The following MYC variants were observed in gnomAD, a reference collection of about 807,000 sequenced individuals.
MYC encodes the protein MYC proto-oncogene, bHLH transcription factor.
Under a neutral mutation model 30.5 loss-of-function variants are expected in MYC, and 1 was observed. The observed-to-expected ratio is 0.03, with a 90% CI of 0.01 to 0.16. The LOEUF is 0.16. Among genes scored for constraint, MYC ranks in the 10% least tolerant of loss-of-function variants. The pLI is 1.00. For synonymous variants in MYC, 267 were observed against 250.7 expected (o/e 1.07, Z -0.62); for missense variants, 508 against 589.0 (o/e 0.86, Z 1.42).
In MYC at chr8:127,741,094, A is replaced by T; in HGVS notation, c.*136A>T. 1 of 746,646 alleles carries T rather than the reference A, an allele frequency of 1.3e-6. No homozygotes were observed. Among genetic ancestry groups the T allele is most frequent in the Non-Finnish European group, 1.9e-6 (1 of 523,710 alleles). 46.3% of individuals were successfully genotyped at this position (746,646 alleles called of 1,614,324 possible). ...AGACTGAAAGATTTAGCCATAATGT[A>T]AACTGCCTCAAATTGGACTTTGGGC... On this transcript the variant is annotated 3_prime_UTR_variant, in exon 3 of 3. Transcript: ENST00000621592.
rs1813690419 is a variant in MYC, at chr8:127,740,433, T to G, written c.840T>G (p.Val280=). The change falls in exon 3 of 3, where the codon GTT becomes GTG. Residue 280 remains valine, a synonymous_variant. Coordinates refer to ENST00000621592, the MANE Select transcript of MYC (RefSeq NM_002467.6). Reference sequence around the variant, plus strand: ...AAGATGAGGAAGAAATCGATGTTGTTTCTGTGGAAAAGAGGCAGGCTCCTG... The same window carrying G: ...AAGATGAGGAAGAAATCGATGTTGTGTCTGTGGAAAAGAGGCAGGCTCCTG... 12 of 1,614,090 alleles carry G rather than the reference T, an allele frequency of 7.4e-6. No homozygotes were observed. The highest frequency in any genetic ancestry group is 1.3e-5 in the African/African-American group (1 of 75,026).
chr8:127,741,110 G>T lies in MYC; in HGVS notation c.*152G>T. The stretch of plus-strand genomic sequence containing the variant: ...CCATAATGTAAACTGCCTCAAATTG[G>T]ACTTTGGGCATAAAAGAACTTTTTT... On this transcript the variant is annotated 3_prime_UTR_variant, in exon 3 of 3. Coordinates refer to ENST00000621592, the MANE Select transcript of MYC (RefSeq NM_002467.6). 1.7e-6 allele frequency: 1 copy of T among 593,460 alleles called. No homozygotes were observed. The highest frequency in any genetic ancestry group is 1.9e-5 in the African/African-American group (1 of 52,796). The allele number at this position is 593,460 out of a possible 1,614,324, so 36.8% of individuals were successfully genotyped here. A position where few individuals can be genotyped will look rare whatever the true frequency, so the allele number is the denominator to read the frequency against.
At chr8:127,740,362 G>T in intron 2 of MYC, 34 bp from the exon 3 acceptor site, 1 of 1,585,016 alleles carries the variant, frequency 6.3e-7, no homozygotes, top group Non-Finnish European at 8.6e-7. Flanking sequence ...ATGTAACCTT[G>T]CTAAAGGAGT....
chr8:127,741,929 G>A lies in MYC; in HGVS notation c.*971G>A, dbSNP rs543718581. Among the ~76,000 whole-genome samples, 2 of 152,320 alleles carry A rather than the reference G, an allele frequency of 1.3e-5. No homozygotes were observed. Among genetic ancestry groups the A allele is most frequent in the Non-Finnish European group, 2.9e-5 (2 of 68,032 alleles). On this transcript the variant is annotated 3_prime_UTR_variant, in exon 3 of 3. Transcript: ENST00000621592. ...CTCGCAAACCCCAGAGGATCTCTGGGAGGAATGCTACTATTAACCCTATTT... is the reference window on the plus strand; with the variant it reads ...CTCGCAAACCCCAGAGGATCTCTGGAAGGAATGCTACTATTAACCCTATTT...
At position 127,740,382 on chromosome 8, in the gene MYC, T is replaced by G; in HGVS notation, c.803-14T>G. ...ACCTTGCTAAAGGAGTGATTTCTAT[T>G]TCCTTTCTTAAAGAGGAGGAACAAG... is the stretch of plus-strand genomic sequence containing the variant. On this transcript the variant is annotated splice_polypyrimidine_tract_variant and intron_variant, in intron 2 of 2. Transcript: ENST00000621592. The G allele has an allele frequency of 6.2e-7, 1 of 1,609,074 alleles. No individual in the cohort carries two copies. Among genetic ancestry groups the G allele is most frequent in the Non-Finnish European group, 8.5e-7 (1 of 1,176,406 alleles).
In MYC at chr8:127,738,281, T is replaced by G. The variant is rs146505192; in HGVS notation, c.64T>G (p.Phe22Val). ...CGCGACGATGCCCCTCAACGTTAGC[T>G]TCACCAACAGGAACTATGACCTCGA... Residue 22 changes from phenylalanine (F) to valine (V), a missense_variant, in exon 2 of 3, where the codon TTC becomes GTC. Transcript: ENST00000621592. The surrounding 1 kb of genome is among the most constrained non-coding windows in gnomAD (Gnocchi z 7.6). 6.2e-7 allele frequency: 1 copy of G among 1,604,434 alleles called. No homozygotes were observed. The highest frequency in any genetic ancestry group is 1.1e-5 in the South Asian group (1 of 90,410).
chr8:127,740,862 A>C lies in MYC; in HGVS notation c.1269A>C (p.Ala423=), dbSNP rs779363727. The C allele has an allele frequency of 5.6e-5, 91 of 1,613,390 alleles. 1 individual carries two copies. In the South Asian group the frequency reaches 9.9e-4, roughly 18 times the overall value. ...CAGCATACATCCTGTCCGTCCAAGCAGAGGAGCAAAAGCTCATTTCTGAAG... is the reference window on the plus strand; with the variant it reads ...CAGCATACATCCTGTCCGTCCAAGCCGAGGAGCAAAAGCTCATTTCTGAAG... The change falls in exon 3 of 3, where the codon GCA becomes GCC. Residue 423 remains alanine, a synonymous_variant. Coordinates refer to ENST00000621592, the MANE Select transcript of MYC (RefSeq NM_002467.6).
In MYC at chr8:127,738,340, CGAG is replaced by C. The variant is rs776242757; in HGVS notation, c.130_132del (p.Glu44del). On this transcript the variant is annotated inframe_deletion, in exon 2 of 3. Coordinates refer to ENST00000621592, the MANE Select transcript of MYC (RefSeq NM_002467.6). The surrounding 1 kb of genome is among the most constrained non-coding windows in gnomAD (Gnocchi z 7.6). ...CGGTGCAGCCGTATTTCTACTGCGA[CGAG>C]GAGGAGAACTTCTACCAGCAGCAGC... The C allele has an allele frequency of 1.0e-4, 163 of 1,614,152 alleles. No homozygotes were observed. Among genetic ancestry groups the C allele is most frequent in the Non-Finnish European group, 1.1e-4 (131 of 1,180,000 alleles).
Position 127,740,971 on chromosome 8 carries a change from A to G in MYC, c.*13A>G, listed in dbSNP as rs2130108421. 6.5e-7 allele frequency: 1 copy of G among 1,533,910 alleles called. No homozygotes were observed. The highest frequency in any genetic ancestry group is 8.7e-7 in the Non-Finnish European group (1 of 1,146,034). Reference sequence around the variant, plus strand: ...CTCTTGTGCGTAAGGAAAAGTAAGGAAAACGATTCCTTCTAACAGAAATGT... The same window carrying G: ...CTCTTGTGCGTAAGGAAAAGTAAGGGAAACGATTCCTTCTAACAGAAATGT... On this transcript the variant is annotated 3_prime_UTR_variant, in exon 3 of 3. Coordinates refer to ENST00000621592, the MANE Select transcript of MYC (RefSeq NM_002467.6).
upstream of MYC, chr8:127,736,016 T>C (rs1355944667): frequency 4.3e-6 from 1 of 231,490 alleles, no homozygotes; most frequent in Non-Finnish European, 8.2e-6. Flanking sequence ...AGATCCTCTC[T>C]CGCTAATCTC....
Position 127,738,960 on chromosome 8 carries a change from G to T in MYC, c.743G>T (p.Gly248Val), listed in dbSNP as rs1362563336. ...TCCTCGACGGAGTCCTCCCCGCAGG[G>T]CAGCCCCGAGCCCCTGGTGCTCCAT... is the stretch of plus-strand genomic sequence containing the variant. Residue 248 changes from glycine (G) to valine (V), a missense_variant, in exon 2 of 3, where the codon GGC (glycine) becomes GTC (valine). Transcript: ENST00000621592. This position sits in a 1 kb window ranked among gnomAD's most constrained non-coding sequence, Gnocchi z 7.6. 1 of 1,573,698 alleles carries T rather than the reference G, an allele frequency of 6.4e-7. No homozygotes were observed. Among genetic ancestry groups the T allele is most frequent in the Non-Finnish European group, 8.6e-7 (1 of 1,167,728 alleles).
Position 127,738,622 on chromosome 8 carries a change from C to T in MYC, c.405C>T (p.Asp135=), listed in dbSNP as rs768286545. The change falls in exon 2 of 3, where the codon GAC becomes GAT. Residue 135 remains aspartate, a synonymous_variant. Coordinates refer to ENST00000621592, the MANE Select transcript of MYC (RefSeq NM_002467.6). This position sits in a 1 kb window ranked among gnomAD's most constrained non-coding sequence, Gnocchi z 7.6. ...ACCAGAGTTTCATCTGCGACCCGGA[C>T]GACGAGACCTTCATCAAAAACATCA... The T allele has an allele frequency of 7.4e-6, 12 of 1,612,568 alleles. No individual in the cohort carries two copies. In the African/African-American group the frequency reaches 1.5e-4, roughly 20 times the overall value.
intron 2 of MYC, among the ~76,000 whole-genome samples, chr8:127,740,041 C>T (rs139112155): frequency 2.6e-5 from 4 of 151,534 alleles, no homozygotes; most frequent in Non-Finnish European, 2.9e-5. Flanking sequence ...CGCAATCAAC[C>T]TCCAACCCCC....
intron 2 of MYC, 61 bp from the exon 3 acceptor site, chr8:127,740,335 G>A (rs1586590419): frequency 1.3e-6 from 2 of 1,486,184 alleles, no homozygotes; most frequent in Non-Finnish European, 1.8e-6. Context: ...GCATTAATCT[G>A]GTAATTGATT....
intron 1 of MYC, among the ~76,000 whole-genome samples, chr8:127,737,797 G>A (rs747618058): frequency 2.0e-5 from 3 of 152,314 alleles, no homozygotes; most frequent in Non-Finnish European, 2.9e-5. Flanking sequence ...GGGCCCCGGC[G>A]CGGAGCGGGG....
rs780487275 is a variant in MYC, at chr8:127,740,446, A to G, written c.853A>G (p.Arg285Gly). The change falls in exon 3 of 3, where the codon AGG becomes GGG. Residue 285 changes from arginine (R) to glycine (G), a missense_variant. Transcript: ENST00000621592. ...AATCGATGTTGTTTCTGTGGAAAAGAGGCAGGCTCCTGGCAAAAGGTCAGA... is the reference window on the plus strand; with the variant it reads ...AATCGATGTTGTTTCTGTGGAAAAGGGGCAGGCTCCTGGCAAAAGGTCAGA... 6.2e-7 allele frequency: 1 copy of G among 1,614,164 alleles called. No homozygotes were observed. The highest frequency in any genetic ancestry group is 8.5e-7 in the Non-Finnish European group (1 of 1,180,024).
At position 127,740,478 on chromosome 8, in the gene MYC, A is replaced by T. The variant is rs544642878; in HGVS notation, c.885A>T (p.Gly295=). The T allele has an allele frequency of 5.0e-6, 8 of 1,614,120 alleles. No individual in the cohort carries two copies. The East Asian group carries it at 1.6e-4, about 31-fold the overall frequency. The change falls in exon 3 of 3, where the codon GGA becomes GGT. Residue 295 remains glycine, a synonymous_variant. Coordinates refer to ENST00000621592, the MANE Select transcript of MYC (RefSeq NM_002467.6). Reference sequence around the variant, plus strand: ...CTCCTGGCAAAAGGTCAGAGTCTGGATCACCTTCTGCTGGAGGCCACAGCA... The same window carrying T: ...CTCCTGGCAAAAGGTCAGAGTCTGGTTCACCTTCTGCTGGAGGCCACAGCA...
rs1813647769 is a variant in MYC at position 127,738,556 on chromosome 8, G to A, written c.339G>A (p.Gln113=). The change falls in exon 2 of 3, where the codon CAG becomes CAA. Residue 113 remains glutamine (Q), a synonymous_variant. Coordinates refer to ENST00000621592, the MANE Select transcript of MYC (RefSeq NM_002467.6). The surrounding 1 kb of genome is among the most constrained non-coding windows in gnomAD (Gnocchi z 7.6). ...GCGGGAGCTTCTCCACGGCCGACCAGCTGGAGATGGTGACCGAGCTGCTGG... is the reference window on the plus strand; with the variant it reads ...GCGGGAGCTTCTCCACGGCCGACCAACTGGAGATGGTGACCGAGCTGCTGG... 1.2e-6 allele frequency: 2 copies of A among 1,613,230 alleles called. No individual in the cohort carries two copies. The highest frequency in any genetic ancestry group is 2.2e-5 in the East Asian group (1 of 44,872).
At chr8:127,739,889 A>G (rs1813678263) in intron 2 of MYC, among the ~76,000 whole-genome samples, 1 of 151,960 alleles carries the variant, frequency 6.6e-6, no homozygotes, top group Admixed American at 6.5e-5. Context: ...TGTCCATGCC[A>G]TAACCCAGCT....
Sources: gnomAD v4.1 joint callset for allele counts (sites outside exome capture counted in the v4.1 genomes callset) on GRCh38, gnomAD v4.1.1 for gene constraint, Gnocchi (gnomAD v3.1) non-coding constraint, MANE v1.5 for transcripts, NCBI Gene and HGNC (gene_info 2026-07-23, HGNC 2026-07-21) for gene names.